Variants in DISP3 observed in about 807,000 individuals in gnomAD.
The protein encoded by DISP3 is protein dispatched homolog 3.
DISP3 carries 101 observed loss-of-function variants against 135.3 expected under a neutral mutation model. The observed-to-expected ratio is 0.75, with a 90% confidence interval of 0.64 to 0.88. The LOEUF is 0.88. Ranked by LOEUF, DISP3 falls within the 40% of genes least tolerant of loss-of-function variation. The pLI is 0.00. For missense variants in DISP3, 1,713 were observed against 1,878.6 expected (o/e 0.91, Z 1.63); for synonymous variants, 856 against 817.0 (o/e 1.05, Z -0.81).
intron 6 of DISP3, among the ~76,000 whole-genome samples, chr1:11,517,136 C>G (rs1642034684): frequency 6.8e-6 from 1 of 147,934 alleles, no homozygotes; most frequent in South Asian, 2.2e-4. Context: ...GATGTGTCTT[C>G]CTCTGTCCCC....
At chr1:11,526,878 T>G in intron 13 of DISP3, 43 bp downstream of exon 13, 2 of 1,571,778 alleles carry the variant, frequency 1.3e-6, no homozygotes, top group South Asian at 2.2e-5. Context: ...TCAGCCCGGC[T>G]GCTTCTTTGC....
intron 1 of DISP3, among the ~76,000 whole-genome samples, chr1:11,486,033 T>C (rs1477429365): frequency 6.6e-6 from 1 of 152,156 alleles, no homozygotes; most frequent in Non-Finnish European, 1.5e-5. Flanking sequence ...TGTGTTCTGA[T>C]GGATAGGGTG....
Position 11,501,161 on chromosome 1 carries a change from G to T in DISP3, c.169G>T (p.Ala57Ser). 6.2e-7 allele frequency: 1 copy of T among 1,613,990 alleles called. No homozygotes were observed. The highest frequency in any genetic ancestry group is 8.5e-7 in the Non-Finnish European group (1 of 1,179,948). The change falls in exon 2 of 21, where the codon GCT (alanine) becomes TCT (serine). Residue 57 changes from alanine to serine, a missense_variant. By Grantham distance (99) the Ala-to-Ser change is moderately conservative. Coordinates refer to ENST00000294484, the MANE Select transcript of DISP3 (RefSeq NM_020780.2). This position sits in a 1 kb window ranked among gnomAD's most constrained non-coding sequence, Gnocchi z 4.9. ...RHWPLASRPP[A>S]SGFWSTLGWA... ...CTGGCCCCTGGCTTCCCGACCCCCA[G>T]CTTCGGGCTTCTGGAGTACCCTGGG...
In DISP3 at chr1:11,531,884, C is replaced by T. The variant is rs139554781; in HGVS notation, c.3375+174C>T. 4.6e-3 allele frequency among the ~76,000 whole-genome samples: 708 copies of T among 152,328 alleles called. 3 individuals are homozygous for T. The highest frequency in any genetic ancestry group is 0.022 in the South Asian group (105 of 4,830). ...GTCAGTGTCGAGTGTGAAACCAGAC[C>T]GCCTAACTGCAGAGCTCTGCCCTTT... On this transcript the variant is annotated intron_variant, in intron 17 of 20. Coordinates refer to ENST00000294484, the MANE Select transcript of DISP3 (RefSeq NM_020780.2). This position sits in a 1 kb window ranked among gnomAD's most constrained non-coding sequence, Gnocchi z 5.2.
At chr1:11,503,278 T>C (rs778607078) in intron 3 of DISP3, among the ~76,000 whole-genome samples, 5 of 152,088 alleles carry the variant, frequency 3.3e-5, no homozygotes, top group Non-Finnish European at 5.9e-5. Flanking sequence ...GTAGGATAGA[T>C]AGAGAGAGGG....
rs1023919886 is a variant in DISP3, at chr1:11,531,313, T to C, written c.3230-252T>C. ...TCTGCGGGAGTAGCTTTTCCAAAATTAGGGGGCGGGGCCAGGGGCTGGCCC... is the reference window on the plus strand; with the variant it reads ...TCTGCGGGAGTAGCTTTTCCAAAATCAGGGGGCGGGGCCAGGGGCTGGCCC... On this transcript the variant is annotated intron_variant, in intron 16 of 20. Coordinates refer to ENST00000294484, the MANE Select transcript of DISP3 (RefSeq NM_020780.2). This position sits in a 1 kb window ranked among gnomAD's most constrained non-coding sequence, Gnocchi z 5.2. 1.3e-5 allele frequency among the ~76,000 whole-genome samples: 2 copies of C among 151,998 alleles called. No homozygotes were observed. The highest frequency in any genetic ancestry group is 2.9e-5 in the Non-Finnish European group (2 of 67,980).
At chr1:11,522,683 A>ACCCAGCCAGGACCCAGCCAGG (rs1642252619) in intron 10 of DISP3, among the ~76,000 whole-genome samples, 1 of 19,930 alleles carries the variant, frequency 5.0e-5, no homozygotes, top group Non-Finnish European at 1.1e-4. Flanking sequence ...ACCCAGCCAG[A>ACCCAGCCAGGACCCAGCCAGG]GCCCAGCCAG....
At chr1:11,496,237 CA>C (rs1293712774) in intron 1 of DISP3, among the ~76,000 whole-genome samples, 3 of 152,134 alleles carry the variant, frequency 2.0e-5, no homozygotes, top group Admixed American at 6.5e-5. Context: ...CTCTTTTAAG[CA>C]GCTGCCTCGG....
intron 1 of DISP3, among the ~76,000 whole-genome samples, chr1:11,500,017 C>T (rs545239661): frequency 6.6e-6 from 1 of 152,384 alleles, no homozygotes; most frequent in East Asian, 1.9e-4. Context: ...CGGAAAGCCT[C>T]CTCTCTTTGG....
intron 4 of DISP3, 142 bp downstream of exon 4, chr1:11,514,668 C>T: frequency 8.3e-7 from 1 of 1,199,102 alleles, no homozygotes; most frequent in South Asian, 1.5e-5. Flanking sequence ...CACAAATCAT[C>T]TTCCAACCCC....
Position 11,523,893 on chromosome 1 carries a change from C to T in DISP3, c.2363-49C>T, listed in dbSNP as rs778415996. ...CTTCCCTCTGCCCATCGGGCCCAGG[C>T]CAGGATGTCCTGCTGTCCTGCTGTC... On this transcript the variant is annotated intron_variant, in intron 10 of 20. Coordinates refer to ENST00000294484, the MANE Select transcript of DISP3 (RefSeq NM_020780.2). The T allele has an allele frequency of 4.0e-6, 6 of 1,506,154 alleles. No homozygotes were observed. In the African/African-American group the frequency reaches 6.9e-5, roughly 17 times the overall value. 93.3% of individuals were successfully genotyped at this position (1,506,154 alleles called of 1,614,324 possible).
At chr1:11,493,127 C>T (rs1641233549) in intron 1 of DISP3, among the ~76,000 whole-genome samples, 1 of 152,170 alleles carries the variant, frequency 6.6e-6, no homozygotes, top group East Asian at 1.9e-4. Flanking sequence ...GCCCCAAGAT[C>T]TGCAGGCAGC....
In DISP3 at chr1:11,535,333, C is replaced by T. The variant is rs2745296; in HGVS notation, c.3650-145C>T. On this transcript the variant is annotated intron_variant, in intron 19 of 20. Transcript: ENST00000294484. ...CCCTCAGCTCAGTGATGTGTTACTG[C>T]ACCTGTCCCCTCCCTCAGGGGTCCC... The T allele has an allele frequency of 0.039, 46,652 of 1,194,608 alleles. 6,311 individuals carry two copies. In the African/African-American group the frequency reaches 0.42, roughly 11 times the overall value. The allele number at this position is 1,194,608 out of a possible 1,614,324, so 74.0% of individuals were successfully genotyped here.
At chr1:11,523,910 CCTG>C (rs1044236914) in intron 10 of DISP3, 29 bp from the exon 11 acceptor site, 5 of 1,570,408 alleles carry the variant, frequency 3.2e-6, no homozygotes, top group African/African-American at 1.4e-5. Flanking sequence ...GTCCTGCTGT[CCTG>C]CTGTCCTTGA....
At position 11,501,219 on chromosome 1, in the gene DISP3, T is replaced by C; in HGVS notation, c.227T>C (p.Leu76Pro). 1 of 1,614,200 alleles carries C rather than the reference T, an allele frequency of 6.2e-7. No homozygotes were observed. Among genetic ancestry groups the C allele is most frequent in the East Asian group, 2.2e-5 (1 of 44,866 alleles). ...TTCACCAATCCGTGCTGTGCTGGGC[T>C]GGTGCTCTTCCTGGGCTGCAGCATC... ...WAFTNPCCAG[L>P]VLFLGCSIPM... The change falls in exon 2 of 21, where the codon CTG becomes CCG. Residue 76 changes from leucine to proline, a missense_variant. Around this residue, in one of 2 missense-constraint regions of DISP3, gnomAD observed 571 missense variants for 494.1 expected, o/e 1.16. Transcript: ENST00000294484. The surrounding 1 kb of genome is among the most constrained non-coding windows in gnomAD (Gnocchi z 4.9).
intron 3 of DISP3, among the ~76,000 whole-genome samples, chr1:11,511,054 G>A (rs1026948122): frequency 9.2e-5 from 14 of 152,114 alleles, no homozygotes; most frequent in South Asian, 8.3e-4. Context: ...AAGACCAGCC[G>A]CCATGATTCA....
intron 11 of DISP3, 69 bp downstream of exon 11, chr1:11,524,124 C>A: frequency 2.5e-6 from 3 of 1,201,626 alleles, no homozygotes; most frequent in Non-Finnish European, 2.4e-6. Flanking sequence ...GTAAGGAGAG[C>A]AGATAAAATT....
rs1456185679 is a variant in DISP3 at position 11,516,567 on chromosome 1, C to T, written c.1749+406C>T. On this transcript the variant is annotated intron_variant, in intron 6 of 20. Coordinates refer to ENST00000294484, the MANE Select transcript of DISP3 (RefSeq NM_020780.2). This position sits in a 1 kb window ranked among gnomAD's most constrained non-coding sequence, Gnocchi z 5.1. Reference sequence around the variant, plus strand: ...GATCACACAGCAGATAAGTGAGAAGCCTGACCAAGTCCATAGTGATTCCCC... The same window carrying T: ...GATCACACAGCAGATAAGTGAGAAGTCTGACCAAGTCCATAGTGATTCCCC... 6.6e-6 allele frequency among the ~76,000 whole-genome samples: 1 copy of T among 152,180 alleles called. No homozygotes were observed. Among genetic ancestry groups the T allele is most frequent in the African/African-American group, 2.4e-5 (1 of 41,428 alleles).
chr1:11,515,446 G>C lies in DISP3; in HGVS notation c.1531G>C (p.Gly511Arg), dbSNP rs764822876. The change falls in exon 5 of 21, where the codon GGT becomes CGT. Residue 511 changes from glycine to arginine, a missense_variant. Gly to Arg is a moderately radical substitution (Grantham distance 125). Transcript: ENST00000294484. Reference sequence around the variant, plus strand: ...CCTCTTCCTGTACCACGTGGTCTTTGGTATCCAGTACTTGGGCATCCTGAA... The same window carrying C: ...CCTCTTCCTGTACCACGTGGTCTTTCGTATCCAGTACTTGGGCATCCTGAA... ...VALFLYHVVF[G>R]IQYLGILNGV... The C allele has an allele frequency of 6.2e-7, 1 of 1,613,694 alleles. No homozygotes were observed. Among genetic ancestry groups the C allele is most frequent in the Non-Finnish European group, 8.5e-7 (1 of 1,179,842 alleles).
Sources: allele counts gnomAD v4.1 joint callset (sites outside exome capture counted in the v4.1 genomes callset), GRCh38; gene constraint gnomAD v4.1.1; regional missense constraint gnomAD v4.1.1; non-coding constraint Gnocchi (gnomAD v3.1); transcripts MANE v1.5; gene names NCBI Gene and HGNC (gene_info 2026-07-23, HGNC 2026-07-21).